NLRP8: variants seen among roughly 807,000 people sequenced by gnomAD.
NLRP8 encodes the protein NACHT, LRR and PYD domains-containing protein 8.
Under a neutral mutation model 88.7 loss-of-function variants are expected in NLRP8, and 86 were observed. The ratio of observed to expected loss-of-function variants is 0.97; its 90% CI spans 0.81 to 1.16. NLRP8 has a LOEUF of 1.16. NLRP8 is among the 50% of genes most tolerant of loss of function. NLRP8 has a pLI of 0.00. For synonymous variants in NLRP8, 504 were observed against 494.6 expected (o/e 1.02, Z -0.25); for missense variants, 1,342 against 1,286.5 (o/e 1.04, Z -0.66).
intron 5 of NLRP8, among the ~76,000 whole-genome samples, chr19:55,967,135 G>C (rs1022380791): frequency 1.3e-5 from 2 of 152,134 alleles, no homozygotes; most frequent in African/African-American, 4.8e-5. Context: ...TAGTTCCTCT[G>C]TTGTGCTAGC....
intron 8 of NLRP8, among the ~76,000 whole-genome samples, chr19:55,977,732 C>A (rs1008838951): frequency 7.0e-6 from 1 of 141,998 alleles, no homozygotes; most frequent in African/African-American, 2.5e-5. Context: ...AAAAATGAAT[C>A]TAATTTTACC....
intron 4 of NLRP8, among the ~76,000 whole-genome samples, 175 bp downstream of exon 4, chr19:55,962,412 C>T (rs750332234): frequency 8.5e-5 from 13 of 152,196 alleles, no homozygotes; most frequent in Non-Finnish European, 1.5e-4. Context: ...AAACCACACA[C>T]GGGAGCCAGG....
chr19:55,977,394 G>A (rs1213102544), intron 8 of NLRP8, among the ~76,000 whole-genome samples: 4 of 136,700 alleles, frequency 2.9e-5, no homozygotes, highest in East Asian at 4.0e-4. Flanking sequence ...AAATAAATAC[G>A]AATATATTAT....
intron 9 of NLRP8, among the ~76,000 whole-genome samples, chr19:55,981,481 C>G (rs544406621): frequency 3.3e-5 from 5 of 152,110 alleles, no homozygotes; most frequent in Non-Finnish European, 7.4e-5. Context: ...GTAAACATCT[C>G]TTGGAGATAT....
At chr19:55,964,526 C>T (rs622136) in intron 4 of NLRP8, among the ~76,000 whole-genome samples, 84,133 of 151,930 alleles carry the variant, frequency 0.55, 23,357 homozygotes, top group East Asian at 0.63. Flanking sequence ...CCAAGGTGGG[C>T]GGATTGCCTG....
At chr19:55,981,531 A>T (rs1411541018) in intron 9 of NLRP8, among the ~76,000 whole-genome samples, 1 of 152,222 alleles carries the variant, frequency 6.6e-6, no homozygotes, top group Non-Finnish European at 1.5e-5. Flanking sequence ...ATTTAATTAA[A>T]AATATGCATG....
rs1472954209 is a variant in NLRP8, at chr19:55,955,663, C to T, written c.1605C>T (p.His535=). 11 of 1,614,080 alleles carry T rather than the reference C, an allele frequency of 6.8e-6. No homozygotes were observed. Among genetic ancestry groups the T allele is most frequent in the Admixed American group, 5.0e-5 (3 of 60,002 alleles). Residue 535 remains histidine (H), a synonymous_variant, in exon 3 of 10, where the codon CAC becomes CAT. Transcript: ENST00000291971. ...TCAAAAATTTTCATGTGTTGAGCCA[C>T]GTGAATATCCAGCGCCTGATAGCGA...
At position 55,962,195 on chromosome 19, in the gene NLRP8, C is replaced by A. The variant is rs147934431; in HGVS notation, c.2171C>A (p.Ala724Glu). 3,616 of 1,614,142 alleles carry A rather than the reference C, an allele frequency of 2.2e-3. 7 individuals carry two copies. The highest frequency in any genetic ancestry group is 5.5e-3 in the Middle Eastern group (33 of 6,038). ...GGGCCTCCTTTTTTGAAGGCTCTCG[C>A]GGCCGCACTGAGGCACCCTCAGTGC... Residue 724 changes from alanine (A) to glutamate (E), a missense_variant, in exon 4 of 10, where the codon GCG becomes GAG. Coordinates refer to ENST00000291971, the MANE Select transcript of NLRP8 (RefSeq NM_176811.2).
chr19:55,962,019 T>C, intron 3 of NLRP8, 48 bp from the exon 4 acceptor site: 1 of 1,590,164 alleles, frequency 6.3e-7, no homozygotes, highest in Non-Finnish European at 8.6e-7. Flanking sequence ...TAGTAGATTT[T>C]CTCCAGTTTA....
At chr19:55,982,949 A>T (rs1980635058) in intron 9 of NLRP8, among the ~76,000 whole-genome samples, 1 of 152,126 alleles carries the variant, frequency 6.6e-6, no homozygotes, top group Non-Finnish European at 1.5e-5. Context: ...TGTCTCTGAA[A>T]AATAATAATA....
Position 55,973,790 on chromosome 19 carries a change from G to C in NLRP8, c.2673G>C (p.Leu891=), listed in dbSNP as rs373265557. ...GGGCCAAGCATATTTGGAATGCCCTGCCACACCTGAGATGTCCTCTGCAGA... is the reference window on the plus strand; with the variant it reads ...GGGCCAAGCATATTTGGAATGCCCTCCCACACCTGAGATGTCCTCTGCAGA... Residue 891 remains leucine, a synonymous_variant, in exon 7 of 10, where the codon CTG becomes CTC. Coordinates refer to ENST00000291971, the MANE Select transcript of NLRP8 (RefSeq NM_176811.2). The C allele has an allele frequency of 8.1e-6, 13 of 1,613,836 alleles. No individual in the cohort carries two copies. In the African/African-American group the frequency reaches 1.7e-4, roughly 22 times the overall value.
chr19:55,959,663 C>T (rs1392149353), intron 3 of NLRP8, among the ~76,000 whole-genome samples: 1 of 152,214 alleles, frequency 6.6e-6, no homozygotes, highest in East Asian at 1.9e-4. Context: ...GCCCAATAAC[C>T]AGATGCAGAT....
At chr19:55,969,430 T>G (rs1979979694) in intron 5 of NLRP8, among the ~76,000 whole-genome samples, 1 of 152,208 alleles carries the variant, frequency 6.6e-6, no homozygotes, top group Admixed American at 6.5e-5. Context: ...GCAAAAGACA[T>G]CATTTCATTC....
At chr19:55,974,038 C>T (rs1328540043) in intron 7 of NLRP8, among the ~76,000 whole-genome samples, 1 of 151,924 alleles carries the variant, frequency 6.6e-6, no homozygotes, top group African/African-American at 2.4e-5. Flanking sequence ...AAACTGTGTA[C>T]CAAGACACCC....
chr19:55,953,200 C>T (rs1979173821), intron 2 of NLRP8, among the ~76,000 whole-genome samples: 1 of 152,134 alleles, frequency 6.6e-6, no homozygotes, highest in South Asian at 2.1e-4. Context: ...GGGATCTAGG[C>T]TGTGCTCTCC....
intron 1 of NLRP8, among the ~76,000 whole-genome samples, chr19:55,952,238 G>T (rs555110854): frequency 6.6e-6 from 1 of 152,280 alleles, no homozygotes; most frequent in South Asian, 2.1e-4. Context: ...ACTTGTGTGT[G>T]TAAGAGTATG....
At chr19:55,973,967 C>A in intron 7 of NLRP8, 145 bp downstream of exon 7, 2 of 694,004 alleles carry the variant, frequency 2.9e-6, no homozygotes, top group East Asian at 3.0e-5. Flanking sequence ...GGGAAAAGCA[C>A]AATAAAGAGG....
chr19:55,952,761 A>G (rs1359969930), intron 2 of NLRP8, 149 bp downstream of exon 2: 9 of 619,490 alleles, frequency 1.5e-5, no homozygotes, highest in Non-Finnish European at 2.0e-5. Context: ...CTCTGTCTCT[A>G]CTAAAAACAC....
At chr19:55,986,276 ACACTCACACT>A (rs1468619376) in intron 9 of NLRP8, among the ~76,000 whole-genome samples, 1 of 150,522 alleles carries the variant, frequency 6.6e-6, no homozygotes, top group Non-Finnish European at 1.5e-5. Flanking sequence ...CACCCAACAC[ACACTCACACT>A]CACACACACA....
Sources: gnomAD v4.1 joint callset for allele counts (sites outside exome capture counted in the v4.1 genomes callset) on GRCh38, gnomAD v4.1.1 for gene constraint, MANE v1.5 for transcripts, NCBI Gene and HGNC (gene_info 2026-07-23, HGNC 2026-07-21) for gene names.